ZBTB7C: variants seen among roughly 807,000 people sequenced by gnomAD.
The protein encoded by ZBTB7C is zinc finger and BTB domain containing 7C, also known as zinc finger and BTB domain-containing protein 7C.
A neutral mutation model predicts 25.7 loss-of-function variants in ZBTB7C; 8 were observed. The ratio of observed to expected loss-of-function variants is 0.31; its 90% CI spans 0.18 to 0.56. ZBTB7C has a LOEUF of 0.56. Among genes scored for constraint, ZBTB7C ranks in the 20% least tolerant of loss-of-function variants. ZBTB7C has a pLI of 0.91. For missense variants in ZBTB7C, 824 were observed against 855.2 expected (o/e 0.96, Z 0.46); for synonymous variants, 394 against 369.0 (o/e 1.07, Z -0.78).
At chr18:48,049,291 T>G (rs1273509916) in intron 3 of ZBTB7C, among the ~76,000 whole-genome samples, 4 of 152,146 alleles carry the variant, frequency 2.6e-5, no homozygotes, top group Non-Finnish European at 5.9e-5. Context: ...CTGCCTCAGT[T>G]TCCTTATCTA....
intron 1 of ZBTB7C, among the ~76,000 whole-genome samples, chr18:48,356,187 G>A (rs1018504143): frequency 8.5e-5 from 13 of 152,138 alleles, no homozygotes; most frequent in African/African-American, 3.1e-4. Context: ...TAGGGAAGGG[G>A]CAGGCATCAT....
chr18:48,168,937 C>T (rs1308032749), intron 3 of ZBTB7C, among the ~76,000 whole-genome samples: 3 of 152,186 alleles, frequency 2.0e-5, no homozygotes, highest in Non-Finnish European at 4.4e-5. Context: ...ATCAACTTCT[C>T]AGCTGTGGAA....
chr18:48,242,536 T>C (rs2043557322), intron 2 of ZBTB7C, among the ~76,000 whole-genome samples: 1 of 152,206 alleles, frequency 6.6e-6, no homozygotes, highest in South Asian at 2.1e-4. Context: ...GATGCAGGGA[T>C]GGTTTAATAT....
At chr18:48,333,747 AG>A (rs1387186374) in intron 2 of ZBTB7C, among the ~76,000 whole-genome samples, 1 of 152,214 alleles carries the variant, frequency 6.6e-6, no homozygotes, top group Non-Finnish European at 1.5e-5. Flanking sequence ...CAGCTGCTAA[AG>A]GGGGCGGGGG....
intron 2 of ZBTB7C, among the ~76,000 whole-genome samples, chr18:48,307,155 C>T (rs539586805): frequency 6.6e-6 from 1 of 152,154 alleles, no homozygotes; most frequent in Non-Finnish European, 1.5e-5. Context: ...AATACAAACT[C>T]GACTTGGGGC....
intron 2 of ZBTB7C, among the ~76,000 whole-genome samples, chr18:48,276,930 G>T: frequency 7.1e-6 from 1 of 141,734 alleles, no homozygotes; most frequent in African/African-American, 2.6e-5. Context: ...GTGTAAAAGT[G>T]TTCCTATTTC....
chr18:48,169,321 A>T (rs1599019194), intron 3 of ZBTB7C, among the ~76,000 whole-genome samples: 1 of 152,270 alleles, frequency 6.6e-6, no homozygotes, highest in Middle Eastern at 3.4e-3. Flanking sequence ...TTTCAGAGAC[A>T]GCCTTACCCT....
At chr18:48,191,859 G>T (rs2042206552) in intron 2 of ZBTB7C, among the ~76,000 whole-genome samples, 1 of 152,186 alleles carries the variant, frequency 6.6e-6, no homozygotes, top group African/African-American at 2.4e-5. Context: ...ATGCAAAATG[G>T]TACAGCCACT....
intron 1 of ZBTB7C, among the ~76,000 whole-genome samples, chr18:48,338,917 G>T (rs1015412775): frequency 1.3e-5 from 2 of 151,040 alleles, no homozygotes; most frequent in African/African-American, 2.5e-5. Flanking sequence ...TTGTTGGGGG[G>T]GGGGGGTCCA....
At chr18:48,409,407 G>T (rs1190085178), upstream of ZBTB7C, 2 of 146,412 alleles carry the variant, frequency 1.4e-5, no homozygotes, top group South Asian at 2.0e-4. Flanking sequence ...GGCAGCGGGC[G>T]AGCGGGCAGC....
At chr18:48,086,996 C>A (rs1389604237) in intron 3 of ZBTB7C, among the ~76,000 whole-genome samples, 4 of 152,180 alleles carry the variant, frequency 2.6e-5, no homozygotes, top group Admixed American at 2.6e-4. Flanking sequence ...TAACTCCTCC[C>A]AGCGATTCTG....
chr18:48,311,692 T>C (rs1043380511), intron 2 of ZBTB7C, among the ~76,000 whole-genome samples: 2 of 152,174 alleles, frequency 1.3e-5, no homozygotes, highest in African/African-American at 4.8e-5. Context: ...TCTGTGATCT[T>C]ACCTGACACC....
Position 48,345,612 on chromosome 18 carries a change from G to A in ZBTB7C, c.-303-7214C>T, listed in dbSNP as rs201910545. ...ATGCTCCTGGGCGGGTATTTCAGGA[G>A]TATATTTCTGTCTCTTCAGCATGCT... On this transcript the variant is annotated intron_variant, in intron 1 of 4. Transcript: ENST00000590800. Among the ~76,000 whole-genome samples, 10 of 152,236 alleles carry A rather than the reference G, an allele frequency of 6.6e-5. No homozygotes were observed. The East Asian group carries it at 1.7e-3, about 26-fold the overall frequency.
intron 2 of ZBTB7C, among the ~76,000 whole-genome samples, chr18:48,312,042 C>A (rs150154682): frequency 6.6e-6 from 1 of 152,326 alleles, no homozygotes; most frequent in African/African-American, 2.4e-5. Context: ...CTGTGAAGCT[C>A]GGTCTGACCC....
At chr18:48,372,289 C>T (rs1262645011) in intron 1 of ZBTB7C, among the ~76,000 whole-genome samples, 1 of 152,356 alleles carries the variant, frequency 6.6e-6, no homozygotes, top group East Asian at 1.9e-4. Flanking sequence ...TCCCAAATCA[C>T]ACATCAGACT....
At chr18:48,347,070 A>G (rs926329002) in intron 1 of ZBTB7C, among the ~76,000 whole-genome samples, 1 of 148,374 alleles carries the variant, frequency 6.7e-6, no homozygotes, top group Non-Finnish European at 1.5e-5. Flanking sequence ...GGCATGAGCC[A>G]CCACGCTGGG....
chr18:48,258,221 T>C (rs2044075217), intron 2 of ZBTB7C, among the ~76,000 whole-genome samples: 2 of 152,198 alleles, frequency 1.3e-5, no homozygotes, highest in African/African-American at 4.8e-5. Context: ...TTGTCCTGAA[T>C]GTTCTAGCCA....
At chr18:48,152,556 A>T (rs55707477) in intron 3 of ZBTB7C, among the ~76,000 whole-genome samples, 2 of 152,036 alleles carry the variant, frequency 1.3e-5, no homozygotes, top group Non-Finnish European at 2.9e-5. Context: ...ATCATTATTC[A>T]TGCCACCTAC....
At chr18:48,129,885 G>C (rs184209724) in intron 3 of ZBTB7C, among the ~76,000 whole-genome samples, 1 of 152,210 alleles carries the variant, frequency 6.6e-6, no homozygotes, top group African/African-American at 2.4e-5. Context: ...GGTCTGGAGT[G>C]TGGAGCTCAG....
Sources: allele counts gnomAD v4.1 joint callset (sites outside exome capture counted in the v4.1 genomes callset), GRCh38; gene constraint gnomAD v4.1.1; transcripts MANE v1.5; gene names NCBI Gene and HGNC (gene_info 2026-07-23, HGNC 2026-07-21).